The following TPD52L1 variants were observed in gnomAD, a reference collection of about 807,000 sequenced individuals.
TPD52L1 encodes tumor protein D53.
In TPD52L1, 18 loss-of-function variants were observed where a neutral mutation model predicts 28.7. That is an observed-to-expected ratio of 0.63 (90% CI 0.43 to 0.93). The LOEUF (loss-of-function observed/expected upper bound fraction) is 0.93. TPD52L1 is among the 40% of genes least tolerant of loss of function. TPD52L1 has a pLI of 0.00. For missense variants in TPD52L1, 203 were observed against 254.8 expected (o/e 0.80, Z 1.39); for synonymous variants, 75 against 88.8 (o/e 0.84, Z 0.88).
intron 4 of TPD52L1, chr6:125,252,088 T>G: frequency 6.5e-7 from 1 of 1,533,484 alleles, no homozygotes; most frequent in Non-Finnish European, 8.7e-7. Flanking sequence ...TTGCTGCCCC[T>G]TTGCTTTCCA....
Position 125,220,192 on chromosome 6 carries a change from A to T in TPD52L1, c.134A>T (p.Gln45Leu), listed in dbSNP as rs767454833. The change falls in exon 2 of 7, where the codon CAG becomes CTG. Residue 45 changes from glutamine to leucine, a missense_variant and splice_region_variant. By Grantham distance (113) the Gln-to-Leu change is moderately radical. Transcript: ENST00000534000. Reference sequence around the variant, plus strand: ...GAAGAGTTAAAAGCAGAGTTAGTTCAGGTATGTTTAGTAATCTTATTGTTG... The same window carrying T: ...GAAGAGTTAAAAGCAGAGTTAGTTCTGGTATGTTTAGTAATCTTATTGTTG... ...EKEELKAELV[Q>L]LEDEITTLRQ... 1 of 1,591,108 alleles carries T rather than the reference A, an allele frequency of 6.3e-7. No homozygotes were observed. Among genetic ancestry groups the T allele is most frequent in the South Asian group, 1.1e-5 (1 of 90,564 alleles).
intron 1 of TPD52L1, among the ~76,000 whole-genome samples, chr6:125,207,943 C>A (rs890770486): frequency 1.3e-5 from 2 of 152,190 alleles, no homozygotes; most frequent in African/African-American, 4.8e-5. Context: ...ATGTAACACA[C>A]CTGGAGCATA....
intron 1 of TPD52L1, among the ~76,000 whole-genome samples, chr6:125,204,655 A>G (rs1794002079): frequency 6.6e-6 from 1 of 151,796 alleles, no homozygotes; most frequent in African/African-American, 2.4e-5. Context: ...AACTTTTTGT[A>G]TTTTTAATAG....
At chr6:125,161,933 A>C (rs959094596) in intron 1 of TPD52L1, among the ~76,000 whole-genome samples, 8 of 152,226 alleles carry the variant, frequency 5.3e-5, no homozygotes, top group African/African-American at 1.9e-4. Context: ...ATTTGTAAAA[A>C]TAATATCTGT....
At chr6:125,206,105 A>G (rs888698655) in intron 1 of TPD52L1, among the ~76,000 whole-genome samples, 1 of 152,218 alleles carries the variant, frequency 6.6e-6, no homozygotes, top group African/African-American at 2.4e-5. Context: ...CAGGCTGAGC[A>G]TTGCAGACAT....
intron 5 of TPD52L1, among the ~76,000 whole-genome samples, chr6:125,256,590 A>AT: frequency 6.6e-6 from 1 of 152,294 alleles, no homozygotes; most frequent in Non-Finnish European, 1.5e-5. Flanking sequence ...ATATATGAAC[A>AT]TTTTTTTCCT....
At chr6:125,158,356 C>T (rs2114729452) in intron 1 of TPD52L1, among the ~76,000 whole-genome samples, 1 of 152,090 alleles carries the variant, frequency 6.6e-6, no homozygotes, top group South Asian at 2.1e-4. Context: ...ATGAAAATGT[C>T]ATTATACTTT....
intron 1 of TPD52L1, among the ~76,000 whole-genome samples, chr6:125,159,367 A>T (rs1001801881): frequency 6.6e-6 from 1 of 152,226 alleles, no homozygotes; most frequent in African/African-American, 2.4e-5. Flanking sequence ...ATAAGAAGCA[A>T]CACCTCATTC....
At chr6:125,205,689 C>A (rs977161578) in intron 1 of TPD52L1, among the ~76,000 whole-genome samples, 9 of 152,218 alleles carry the variant, frequency 5.9e-5, no homozygotes, top group Non-Finnish European at 1.0e-4. Flanking sequence ...CTGTTGGGTA[C>A]CATATACTTT....
intron 3 of TPD52L1, among the ~76,000 whole-genome samples, chr6:125,239,117 C>T (rs927772714): frequency 1.3e-5 from 2 of 152,284 alleles, no homozygotes; most frequent in East Asian, 1.9e-4. Context: ...TCACTTTTCA[C>T]CACATCAACG....
chr6:125,255,376 A>G (rs1797535009), intron 5 of TPD52L1, among the ~76,000 whole-genome samples: 1 of 152,240 alleles, frequency 6.6e-6, no homozygotes, highest in African/African-American at 2.4e-5. Flanking sequence ...AAGTGCCAAT[A>G]ACTATATACT....
intron 1 of TPD52L1, among the ~76,000 whole-genome samples, chr6:125,211,085 G>C (rs1369497462): frequency 6.6e-6 from 1 of 152,126 alleles, no homozygotes; most frequent in Non-Finnish European, 1.5e-5. Context: ...AGGCAAGTAT[G>C]TAGTTTTTTA....
intron 2 of TPD52L1, among the ~76,000 whole-genome samples, chr6:125,226,512 A>G (rs1409798200): frequency 6.6e-6 from 1 of 152,116 alleles, no homozygotes. Flanking sequence ...CGTGGTTTTT[A>G]ATACACTTAT....
intron 2 of TPD52L1, among the ~76,000 whole-genome samples, chr6:125,223,228 G>A (rs574113711): frequency 6.6e-6 from 1 of 152,104 alleles, no homozygotes; most frequent in South Asian, 2.1e-4. Flanking sequence ...TTATCTTGTT[G>A]ATAATATTCC....
intron 1 of TPD52L1, among the ~76,000 whole-genome samples, chr6:125,182,201 T>C (rs1001558134): frequency 6.6e-6 from 1 of 152,204 alleles, no homozygotes; most frequent in Non-Finnish European, 1.5e-5. Context: ...CTGGGCATCA[T>C]ACAAACCAAT....
chr6:125,203,757 C>G, intron 1 of TPD52L1: 1 of 985,372 alleles, frequency 1.0e-6, no homozygotes, highest in South Asian at 4.7e-5. Context: ...CTACACAGAC[C>G]CTGGAGGAAC....
At chr6:125,224,829 A>T (rs1795500095) in intron 2 of TPD52L1, among the ~76,000 whole-genome samples, 1 of 152,262 alleles carries the variant, frequency 6.6e-6, no homozygotes, top group South Asian at 2.1e-4. Context: ...CTAATTCATT[A>T]GCTAATTCAG....
At chr6:125,239,118 C>T (rs118117117) in intron 3 of TPD52L1, among the ~76,000 whole-genome samples, 1 of 152,180 alleles carries the variant, frequency 6.6e-6, no homozygotes, top group East Asian at 1.9e-4. Flanking sequence ...CACTTTTCAC[C>T]ACATCAACGC....
chr6:125,170,167 GCTCATTTTCCCTGGACT>G (rs1213171412), intron 1 of TPD52L1, among the ~76,000 whole-genome samples: 2 of 152,076 alleles, frequency 1.3e-5, no homozygotes, highest in Non-Finnish European at 2.9e-5. Flanking sequence ...GGTATGAACA[GCTCATTTTCCCTGGACT>G]CTCTTTTCCA....
Sources: gnomAD v4.1 joint callset for allele counts (sites outside exome capture counted in the v4.1 genomes callset) on GRCh38, gnomAD v4.1.1 for gene constraint, MANE v1.5 for transcripts, NCBI Gene and HGNC (gene_info 2026-07-23, HGNC 2026-07-21) for gene names.